The following SLC25A48 variants were observed in gnomAD, a reference collection of about 807,000 sequenced individuals.
SLC25A48 encodes the protein CTC-321K16.1.
A neutral mutation model predicts 32.2 loss-of-function variants in SLC25A48; 29 were observed. The ratio of observed to expected loss-of-function variants is 0.90; its 90% CI spans 0.67 to 1.23. The LOEUF is 1.23. Among genes scored for constraint, SLC25A48 ranks in the 50% most tolerant of loss-of-function variants. The pLI is 0.00. For missense variants in SLC25A48, 399 were observed against 422.7 expected (o/e 0.94, Z 0.49); for synonymous variants, 164 against 172.3 (o/e 0.95, Z 0.38).
chr5:135,632,338 G>A (rs190293328), intron 2 of SLC25A48, among the ~76,000 whole-genome samples: 258 of 152,294 alleles, frequency 1.7e-3, no homozygotes, highest in Non-Finnish European at 3.2e-3. Flanking sequence ...GAGGCACAGC[G>A]ACCTATTAGG....
intron 1 of SLC25A48, among the ~76,000 whole-genome samples, chr5:135,616,210 G>C (rs1376646188): frequency 6.6e-6 from 1 of 152,188 alleles, no homozygotes; most frequent in Non-Finnish European, 1.5e-5. Context: ...TTCCATTGGG[G>C]GACTACCTAG....
Position 135,834,933 on chromosome 5 carries a change from A to C in SLC25A48, c.46+40A>C, listed in dbSNP as rs773009244. On this transcript the variant is annotated intron_variant, in intron 1 of 7. Transcript: ENST00000681962. ...CGGGGACCCCCGGTCAGAGAGAGCG[A>C]GCCTGGCGGAGTTTGCCTCTATGCT... 45 of 1,583,552 alleles carry C rather than the reference A, an allele frequency of 2.8e-5. No homozygotes were observed. The Admixed American group carries it at 7.6e-4, about 27-fold the overall frequency.
chr5:135,646,174 C>T (rs562473060), intron 3 of SLC25A48, among the ~76,000 whole-genome samples: 2 of 152,248 alleles, frequency 1.3e-5, no homozygotes, highest in African/African-American at 2.4e-5. Context: ...ATTTAATTTC[C>T]CGCTGGAAGG....
intron 3 of SLC25A48, among the ~76,000 whole-genome samples, chr5:135,765,975 T>C (rs1362273452): frequency 6.7e-6 from 1 of 150,188 alleles, no homozygotes; most frequent in African/African-American, 2.4e-5. Context: ...CCCCCCGTGA[T>C]ATGGTTTCTA....
chr5:135,793,998 G>T (rs11954354), intron 3 of SLC25A48, among the ~76,000 whole-genome samples: 99,474 of 151,670 alleles, frequency 0.66, 34,599 homozygotes, highest in Non-Finnish European at 0.78. Flanking sequence ...CTATTTCTTT[G>T]ATATTGTTCC....
chr5:135,771,169 G>A (rs573044898), intron 3 of SLC25A48, among the ~76,000 whole-genome samples: 5 of 151,342 alleles, frequency 3.3e-5, no homozygotes, highest in South Asian at 4.2e-4. Flanking sequence ...TTTCAATATC[G>A]CGGGTGGTGT....
At chr5:135,797,858 G>A (rs1214664009) in intron 3 of SLC25A48, among the ~76,000 whole-genome samples, 4 of 151,468 alleles carry the variant, frequency 2.6e-5, no homozygotes, top group East Asian at 2.0e-4. Context: ...TTCCAATATC[G>A]CAAAAGGTGT....
intron 1 of SLC25A48, among the ~76,000 whole-genome samples, chr5:135,602,729 C>T (rs975399590): frequency 2.6e-5 from 4 of 151,596 alleles, no homozygotes; most frequent in Non-Finnish European, 5.9e-5. Context: ...TCGTCATTTA[C>T]ATTAGGTATA....
rs13168557 is a variant in SLC25A48 at position 135,818,098 on chromosome 5, T to C, written c.-117+5172T>C. 4.3e-3 allele frequency among the ~76,000 whole-genome samples: 525 copies of C among 122,366 alleles called. 6 individuals are homozygous for C. The highest frequency in any genetic ancestry group is 6.7e-3 in the Non-Finnish European group (346 of 51,828). The allele number at this position is 122,366 out of a possible 152,430, so 80.3% of individuals were successfully genotyped here. On this transcript the variant is annotated intron_variant, in intron 4 of 10. Coordinates refer to the SLC25A48 transcript ENST00000646290. ...CTCTCTCTCTCTCTCTCTCTCTCTC[T>C]CTCTCTCTCTCTCTCTCTCTCCCTC...
chr5:135,592,035 TTC>T (rs1360666881), intron 1 of SLC25A48, among the ~76,000 whole-genome samples: 4 of 152,054 alleles, frequency 2.6e-5, no homozygotes, highest in Non-Finnish European at 5.9e-5. Flanking sequence ...AGCTCTGTGG[TTC>T]TCAAAGAGAA....
intron 3 of SLC25A48, among the ~76,000 whole-genome samples, chr5:135,686,511 C>T (rs940216200): frequency 1.2e-4 from 19 of 152,310 alleles, no homozygotes; most frequent in Admixed American, 7.8e-4. Flanking sequence ...CGCTGCTCCC[C>T]GTATGGTGGA....
At position 135,843,618 on chromosome 5, in the gene SLC25A48, C is replaced by T. The variant is rs554936534; in HGVS notation, c.90+1159C>T. 2.6e-4 allele frequency among the ~76,000 whole-genome samples: 40 copies of T among 152,290 alleles called. 1 individual carries two copies. In the South Asian group the frequency reaches 7.7e-3, roughly 29 times the overall value. ...TGTATTTTGAAGAGTCAGGGATGGC[C>T]TCTCTGCCAGGGAGGCAGCTAAGTT... On this transcript the variant is annotated intron_variant, in intron 2 of 7. Coordinates refer to ENST00000681962, the MANE Select transcript of SLC25A48 (RefSeq NM_001349336.2).
At chr5:135,845,981 T>A (rs1243714645) in intron 2 of SLC25A48, among the ~76,000 whole-genome samples, 1 of 152,212 alleles carries the variant, frequency 6.6e-6, no homozygotes, top group Non-Finnish European at 1.5e-5. Context: ...CCAACTCCTA[T>A]ACCGTACCAG....
chr5:135,665,912 G>A (rs566454805), intron 3 of SLC25A48, among the ~76,000 whole-genome samples: 1 of 152,150 alleles, frequency 6.6e-6, no homozygotes, highest in Admixed American at 6.5e-5. Context: ...ACCTTTCATA[G>A]CTCTGCTCTG....
chr5:135,823,165 AG>A (rs1242112994), intron 4 of SLC25A48, among the ~76,000 whole-genome samples: 1 of 152,076 alleles, frequency 6.6e-6, no homozygotes, highest in South Asian at 2.1e-4. Context: ...CGGGAAGGCC[AG>A]GGTGGGATTC....
chr5:135,856,029 A>G (rs982802314), intron 4 of SLC25A48, among the ~76,000 whole-genome samples: 1 of 152,238 alleles, frequency 6.6e-6, no homozygotes, highest in Non-Finnish European at 1.5e-5. Context: ...TAGAAAAAAC[A>G]GGAAGGCACT....
Position 135,871,869 on chromosome 5 carries a change from C to T in SLC25A48, c.679+151C>T, listed in dbSNP as rs751259773. ...TCTTTGTTAGGTACCTACTCTGTCC[C>T]CGGCCCTCTCCCACCTCAGTCTCAT... is the stretch of plus-strand genomic sequence containing the variant. On this transcript the variant is annotated intron_variant, in intron 5 of 7. Coordinates refer to ENST00000681962, the MANE Select transcript of SLC25A48 (RefSeq NM_001349336.2). The T allele has an allele frequency of 2.0e-6, 3 of 1,510,664 alleles. No homozygotes were observed. The South Asian group carries it at 4.1e-5, about 20-fold the overall frequency. 93.6% of individuals were successfully genotyped at this position (1,510,664 alleles called of 1,614,324 possible).
upstream of SLC25A48, among the ~76,000 whole-genome samples, chr5:135,830,885 A>G (rs17738526): frequency 0.19 from 28,821 of 152,152 alleles, 2,900 homozygotes; most frequent in Middle Eastern, 0.25. Context: ...GGTCCTATCT[A>G]TCTTCCTGGA....
At chr5:135,701,045 A>G (rs184791874) in intron 3 of SLC25A48, among the ~76,000 whole-genome samples, 2 of 152,248 alleles carry the variant, frequency 1.3e-5, no homozygotes, top group African/African-American at 4.8e-5. Context: ...TCCACTGCAC[A>G]GAGTGACCTG....
Sources: allele counts gnomAD v4.1 joint callset (sites outside exome capture counted in the v4.1 genomes callset), GRCh38; gene constraint gnomAD v4.1.1; transcripts MANE v1.5; gene names NCBI Gene and HGNC (gene_info 2026-07-23, HGNC 2026-07-21).